Variants in SLC35D4 observed in about 807,000 individuals in gnomAD.
SLC35D4 encodes the protein UDP-N-acetylglucosamine transporter SLC35D4.
At chr18:23,344,363 T>C in the SLC35D4 span, among the ~76,000 whole-genome samples, 1 of 152,232 alleles carries the variant, frequency 6.6e-6, no homozygotes, top group African/African-American at 2.4e-5. Context: ...TTCCTTTGGC[T>C]ATATGCCCAA....
chr18:23,371,961 A>G, the SLC35D4 span, among the ~76,000 whole-genome samples: 2 of 1,846 alleles, frequency 1.1e-3, no homozygotes, highest in Non-Finnish European at 3.7e-3. Context: ...TTTGAGACGG[A>G]GTCTCGCTCT....
chr18:23,389,987 G>A, the SLC35D4 span, among the ~76,000 whole-genome samples: 1 of 152,180 alleles, frequency 6.6e-6, no homozygotes. Context: ...GTCAAGTTCA[G>A]CAGGACTTAT....
the SLC35D4 span, among the ~76,000 whole-genome samples, chr18:23,265,791 T>A: frequency 9.0e-4 from 136 of 151,914 alleles, no homozygotes; most frequent in African/African-American, 3.2e-3. Flanking sequence ...GATGGCACAC[T>A]CTGCCGGAAC....
At chr18:23,299,860 GT>G in the SLC35D4 span, among the ~76,000 whole-genome samples, 4 of 152,330 alleles carry the variant, frequency 2.6e-5, no homozygotes, top group East Asian at 7.7e-4. Context: ...CTTACTCCAA[GT>G]TGGGATGTAC....
chr18:23,399,656 A>G, the SLC35D4 span: 1 of 1,613,454 alleles, frequency 6.2e-7, no homozygotes, highest in Non-Finnish European at 8.5e-7. Flanking sequence ...ATCTGAAAAG[A>G]GGGGAAAAAA....
At chr18:23,255,883 G>T in the SLC35D4 span, among the ~76,000 whole-genome samples, 1 of 152,052 alleles carries the variant, frequency 6.6e-6, no homozygotes, top group Non-Finnish European at 1.5e-5. Context: ...ATCTTTTGAT[G>T]TAACAGATAT....
At chr18:23,286,800 C>G in the SLC35D4 span, among the ~76,000 whole-genome samples, 4 of 152,106 alleles carry the variant, frequency 2.6e-5, no homozygotes, top group East Asian at 5.8e-4. Context: ...CCCCACCTGC[C>G]CAGTTCCCTT....
the SLC35D4 span, chr18:23,356,538 G>A: frequency 6.3e-7 from 1 of 1,584,230 alleles, no homozygotes; most frequent in Non-Finnish European, 8.7e-7. The surrounding 1 kb of genome is among the most constrained non-coding windows in gnomAD (Gnocchi z 4.1). Flanking sequence ...ACTTCACAGA[G>A]AGGAAGACAC....
the SLC35D4 span, among the ~76,000 whole-genome samples, chr18:23,379,265 A>G: frequency 6.6e-6 from 1 of 152,018 alleles, no homozygotes; most frequent in Non-Finnish European, 1.5e-5. Flanking sequence ...CTGGGATTAC[A>G]GGTGTGTGCC....
At chr18:23,239,951 C>T in the SLC35D4 span, among the ~76,000 whole-genome samples, 1 of 152,102 alleles carries the variant, frequency 6.6e-6, no homozygotes, top group South Asian at 2.1e-4. Flanking sequence ...AACCCCATCT[C>T]TACTAAAAAT....
chr18:23,286,639 A>T, the SLC35D4 span, among the ~76,000 whole-genome samples: 5 of 151,676 alleles, frequency 3.3e-5, no homozygotes, highest in Admixed American at 3.3e-4. Context: ...TATGGAGGCT[A>T]CCCACTCCAC....
the SLC35D4 span, among the ~76,000 whole-genome samples, chr18:23,428,128 C>T: frequency 6.6e-6 from 1 of 152,002 alleles, no homozygotes; most frequent in Non-Finnish European, 1.5e-5. Flanking sequence ...TGTAACAAAC[C>T]TGCACATTGT....
chr18:23,306,863 C>G, the SLC35D4 span, among the ~76,000 whole-genome samples: 2 of 152,200 alleles, frequency 1.3e-5, no homozygotes, highest in African/African-American at 2.4e-5. Flanking sequence ...GACCAGTGAG[C>G]AGCAACAACA....
the SLC35D4 span, among the ~76,000 whole-genome samples, chr18:23,273,589 C>T: frequency 4.6e-5 from 7 of 151,592 alleles, no homozygotes; most frequent in African/African-American, 7.3e-5. Flanking sequence ...AGAATGCAAT[C>T]GCCCTGTTCT....
At chr18:23,425,131 C>T in the SLC35D4 span, among the ~76,000 whole-genome samples, 2 of 152,104 alleles carry the variant, frequency 1.3e-5, no homozygotes, top group Non-Finnish European at 2.9e-5. Context: ...GGGACAGTCT[C>T]GCACTGTTGC....
the SLC35D4 span, among the ~76,000 whole-genome samples, chr18:23,369,417 A>G: frequency 1.3e-5 from 2 of 152,148 alleles, no homozygotes; most frequent in Non-Finnish European, 2.9e-5. Context: ...TCTCATTTAC[A>G]TTCACCAAAG....
the SLC35D4 span, among the ~76,000 whole-genome samples, chr18:23,298,602 A>G: frequency 6.6e-6 from 1 of 152,246 alleles, no homozygotes; most frequent in Admixed American, 6.5e-5. Context: ...TGAAATGAAA[A>G]AGCAGTGGGA....
At chr18:23,414,547 C>T in the SLC35D4 span, among the ~76,000 whole-genome samples, 4 of 151,954 alleles carry the variant, frequency 2.6e-5, no homozygotes, top group Non-Finnish European at 4.4e-5. Flanking sequence ...GTGGTGCCCA[C>T]CTGTAATCCC....
chr18:23,401,260 T>G, the SLC35D4 span, among the ~76,000 whole-genome samples: 1 of 152,232 alleles, frequency 6.6e-6, no homozygotes, highest in Admixed American at 6.5e-5. Flanking sequence ...GAGGTCTGTC[T>G]GGCTCCAAAG....
Sources: allele counts gnomAD v4.1 joint callset (sites outside exome capture counted in the v4.1 genomes callset), GRCh38; gene constraint gnomAD v4.1.1; non-coding constraint Gnocchi (gnomAD v3.1); transcripts MANE v1.5; gene names NCBI Gene and HGNC (gene_info 2026-07-23, HGNC 2026-07-21).